The following ZFPM2 variants were observed in gnomAD, a reference collection of about 807,000 sequenced individuals.
ZFPM2 encodes the protein zinc finger protein, FOG family member 2.
A neutral mutation model predicts 98.6 loss-of-function variants in ZFPM2; 20 were observed. The observed-to-expected ratio is 0.20, with a 90% CI of 0.14 to 0.29. The LOEUF (loss-of-function observed/expected upper bound fraction) is 0.29, where lower values mean the gene tolerates loss of function less well. ZFPM2 is among the 10% of genes least tolerant of loss of function. The probability of loss-of-function intolerance (pLI) is 1.00; values close to 1 mark genes in which losing one functional copy is unlikely to be tolerated. For synonymous variants in ZFPM2, 518 were observed against 502.7 expected (o/e 1.03, Z -0.41); for missense variants, 1,310 against 1,388.6 (o/e 0.94, Z 0.90).
intron 3 of ZFPM2, among the ~76,000 whole-genome samples, chr8:105,484,975 T>A (rs1412478383): frequency 6.6e-6 from 1 of 152,212 alleles, no homozygotes; most frequent in Non-Finnish European, 1.5e-5. Flanking sequence ...CAAACCCTGA[T>A]AAAGACAGAC....
At chr8:105,721,909 C>T (rs139602782) in intron 5 of ZFPM2, among the ~76,000 whole-genome samples, 57 of 151,980 alleles carry the variant, frequency 3.8e-4, no homozygotes, top group African/African-American at 1.3e-3. Context: ...TGAAATGTGA[C>T]TTGTCTGTAT....
Position 105,798,785 on chromosome 8 carries a change from C to T in ZFPM2, c.801C>T (p.Ala267=), listed in dbSNP as rs778145433. 6 of 1,613,862 alleles carry T rather than the reference C, an allele frequency of 3.7e-6. No individual in the cohort carries two copies. The Admixed American group carries it at 1.0e-4, about 27-fold the overall frequency. Residue 267 remains alanine, a synonymous_variant, in exon 7 of 8, where the codon GCC becomes GCT. Coordinates refer to ENST00000407775, the MANE Select transcript of ZFPM2 (RefSeq NM_012082.4). ...ATCGGAGTGAGCGGAATCTGCAGGC[C>T]CATTTGATGTACTACTGCAGTGGGA... The part of the protein sequence containing the change: ...IWYRSERNLQ[A]HLMYYCSGRQ...
chr8:105,691,221 C>G (rs1416132632), intron 5 of ZFPM2, among the ~76,000 whole-genome samples: 1 of 128,806 alleles, frequency 7.8e-6, no homozygotes, highest in Non-Finnish European at 1.6e-5. Context: ...GCGCCCTGTT[C>G]CCAAAGAGAC....
chr8:105,552,412 C>G (rs1477572499), intron 3 of ZFPM2, among the ~76,000 whole-genome samples: 1 of 152,148 alleles, frequency 6.6e-6, no homozygotes, highest in East Asian at 1.9e-4. Flanking sequence ...AGTATCAGGT[C>G]AGCTGTGACA....
At chr8:105,369,361 TAGG>T (rs1229621831) in intron 1 of ZFPM2, among the ~76,000 whole-genome samples, 1 of 152,176 alleles carries the variant, frequency 6.6e-6, no homozygotes, top group Non-Finnish European at 1.5e-5. Context: ...CATGCAGAAA[TAGG>T]AGGTGTACTC....
intron 4 of ZFPM2, among the ~76,000 whole-genome samples, chr8:105,570,192 A>C (rs1815325095): frequency 6.6e-6 from 1 of 152,180 alleles, no homozygotes; most frequent in African/African-American, 2.4e-5. Context: ...GAGTGGACAG[A>C]AAAGCTGCTC....
intron 4 of ZFPM2, among the ~76,000 whole-genome samples, chr8:105,586,846 T>TTTTA: frequency 7.5e-6 from 1 of 133,718 alleles, no homozygotes; most frequent in Non-Finnish European, 1.7e-5. Context: ...TATATAAATA[T>TTTTA]TTTATATATA....
chr8:105,738,245 C>G lies in ZFPM2; in HGVS notation c.533-50473C>G, dbSNP rs184949681. Among the ~76,000 whole-genome samples, 10 of 152,110 alleles carry G rather than the reference C, an allele frequency of 6.6e-5. No individual in the cohort carries two copies. In the South Asian group the frequency reaches 1.5e-3, roughly 22 times the overall value. On this transcript the variant is annotated intron_variant, in intron 5 of 7. Coordinates refer to ENST00000407775, the MANE Select transcript of ZFPM2 (RefSeq NM_012082.4). ...ATCCATTTGTTCTCATCATTTTGCT[C>G]CTACTTATAAGTGAGAGCATGAGGT...
intron 5 of ZFPM2, among the ~76,000 whole-genome samples, chr8:105,787,878 C>T (rs779954258): frequency 1.1e-4 from 16 of 152,158 alleles, no homozygotes; most frequent in South Asian, 2.1e-4. Context: ...AACGAGCATT[C>T]GCTATCACAT....
At chr8:105,483,741 A>G (rs1586405591) in intron 3 of ZFPM2, among the ~76,000 whole-genome samples, 1 of 149,338 alleles carries the variant, frequency 6.7e-6, no homozygotes, top group African/African-American at 2.5e-5. Flanking sequence ...CTCTTTGATT[A>G]CTTTTTCTTT....
At chr8:105,684,125 T>A (rs1166021903) in intron 5 of ZFPM2, among the ~76,000 whole-genome samples, 1 of 152,180 alleles carries the variant, frequency 6.6e-6, no homozygotes, top group Non-Finnish European at 1.5e-5. Flanking sequence ...GGAAGTATAT[T>A]ACGGCTTCCC....
chr8:105,785,060 A>G (rs1362948188), intron 5 of ZFPM2: 1 of 128,340 alleles, frequency 7.8e-6, no homozygotes, highest in Non-Finnish European at 1.5e-5. Flanking sequence ...ATGTTGAGAT[A>G]CCCCAAGTTT....
chr8:105,714,227 A>G (rs144080958), intron 5 of ZFPM2, among the ~76,000 whole-genome samples: 4 of 152,018 alleles, frequency 2.6e-5, no homozygotes, highest in Admixed American at 2.6e-4. Flanking sequence ...GGGGGTTGCA[A>G]TTGTAAATAA....
chr8:105,763,056 C>A (rs966524409), intron 5 of ZFPM2, among the ~76,000 whole-genome samples: 2 of 142,002 alleles, frequency 1.4e-5, no homozygotes, highest in African/African-American at 2.6e-5. Context: ...GACTTTATTT[C>A]TTTCTTTTTT....
intron 3 of ZFPM2, among the ~76,000 whole-genome samples, chr8:105,507,807 T>C (rs1813734209): frequency 6.6e-6 from 1 of 152,000 alleles, no homozygotes; most frequent in Non-Finnish European, 1.5e-5. Context: ...ACCCCACCAC[T>C]CCCTCCATCA....
At chr8:105,723,547 T>A (rs1190557659) in intron 5 of ZFPM2, among the ~76,000 whole-genome samples, 1 of 151,830 alleles carries the variant, frequency 6.6e-6, no homozygotes, top group Non-Finnish European at 1.5e-5. Context: ...AAAGGCAGAC[T>A]CTTATACTGG....
chr8:105,445,462 C>T (rs1339083288), intron 3 of ZFPM2, among the ~76,000 whole-genome samples: 2 of 151,676 alleles, frequency 1.3e-5, no homozygotes, highest in Non-Finnish European at 2.9e-5. Flanking sequence ...GCATTTTCAC[C>T]TTATGGCATG....
intron 3 of ZFPM2, among the ~76,000 whole-genome samples, chr8:105,542,761 A>C (rs1190380514): frequency 6.6e-6 from 1 of 152,196 alleles, no homozygotes; most frequent in Non-Finnish European, 1.5e-5. Flanking sequence ...AAATAGTCCA[A>C]GGAGATTCCT....
chr8:105,632,349 T>C (rs1321561954), intron 4 of ZFPM2, among the ~76,000 whole-genome samples: 2 of 152,124 alleles, frequency 1.3e-5, no homozygotes, highest in Non-Finnish European at 2.9e-5. Context: ...TGTGTATTTT[T>C]AGTAGAGACG....
Sources: gnomAD v4.1 joint callset for allele counts (sites outside exome capture counted in the v4.1 genomes callset) on GRCh38, gnomAD v4.1.1 for gene constraint, MANE v1.5 for transcripts, NCBI Gene and HGNC (gene_info 2026-07-23, HGNC 2026-07-21) for gene names.